Variants in PCDH9 observed in about 807,000 individuals in gnomAD.
PCDH9 encodes protocadherin-9.
A neutral mutation model predicts 70.6 loss-of-function variants in PCDH9; 24 were observed. The observed-to-expected ratio is 0.34, with a 90% CI of 0.25 to 0.48. The LOEUF (loss-of-function observed/expected upper bound fraction) is 0.48. PCDH9 is among the 20% of genes least tolerant of loss of function. The pLI, the probability that PCDH9 is intolerant of heterozygous loss-of-function variation, is 0.99. For missense variants in PCDH9, 1,281 were observed against 1,503.6 expected, an observed-to-expected ratio of 0.85 and a Z score of 2.45; for synonymous variants, 562 against 558.5, an observed-to-expected ratio of 1.01 and a Z score of -0.09.
intron 3 of PCDH9, among the ~76,000 whole-genome samples, chr13:66,749,873 T>C (rs1255034177): frequency 6.6e-6 from 1 of 152,140 alleles, no homozygotes; most frequent in African/African-American, 2.4e-5. Flanking sequence ...TAACTCCAGA[T>C]TATACTTTAA....
At chr13:67,141,179 A>G (rs2087376972) in intron 2 of PCDH9, among the ~76,000 whole-genome samples, 1 of 152,230 alleles carries the variant, frequency 6.6e-6, no homozygotes, top group African/African-American at 2.4e-5. Context: ...GACAAAAATA[A>G]AACGAGAGAA....
At chr13:66,424,635 C>A (rs1327876503) in intron 4 of PCDH9, among the ~76,000 whole-genome samples, 1 of 151,888 alleles carries the variant, frequency 6.6e-6, no homozygotes, top group South Asian at 2.1e-4. Context: ...TCTTAATCAT[C>A]CTTGAGAAGT....
At chr13:67,084,064 G>C (rs1226445716) in intron 2 of PCDH9, among the ~76,000 whole-genome samples, 1 of 152,132 alleles carries the variant, frequency 6.6e-6, no homozygotes, top group Non-Finnish European at 1.5e-5. Context: ...GGAAATTTCA[G>C]GCACTAGCTT....
At chr13:66,642,004 T>G (rs1163834865) in intron 3 of PCDH9, among the ~76,000 whole-genome samples, 1 of 152,116 alleles carries the variant, frequency 6.6e-6, no homozygotes, top group Non-Finnish European at 1.5e-5. Flanking sequence ...TCAAGCACTA[T>G]TTATTTACTT....
chr13:66,304,699 G>T lies in PCDH9; in HGVS notation c.3670C>A (p.Gln1224Lys). Residue 1224 changes from glutamine to lysine, a missense_variant, in exon 5 of 5, where the codon CAA becomes AAA. Coordinates refer to ENST00000377865, the MANE Select transcript of PCDH9 (RefSeq NM_203487.3). Reference protein sequence around the residue: ...IPLANLKSYKQAGGATESPKE... With the variant: ...IPLANLKSYKKAGGATESPKE... ...GGACTCTCAGTAGCACCTCCTGCTT[G>T]CTTATAAGACTTCAGATTTGCCAGA... 6.2e-7 allele frequency: 1 copy of T among 1,613,180 alleles called. No homozygotes were observed. The highest frequency in any genetic ancestry group is 8.5e-7 in the Non-Finnish European group (1 of 1,179,444).
intron 4 of PCDH9, among the ~76,000 whole-genome samples, chr13:66,504,586 T>TATC (rs1397365956): frequency 1.3e-5 from 2 of 152,170 alleles, no homozygotes; most frequent in South Asian, 2.1e-4. Flanking sequence ...GTTTGTTACA[T>TATC]ATCAGTAGGT....
At chr13:66,935,884 T>A (rs2082907823) in intron 2 of PCDH9, among the ~76,000 whole-genome samples, 3 of 151,458 alleles carry the variant, frequency 2.0e-5, no homozygotes, top group Admixed American at 2.0e-4. Context: ...ATCAAGACCA[T>A]CCTGGCCAAC....
At chr13:66,818,861 G>T (rs2080657041) in intron 3 of PCDH9, among the ~76,000 whole-genome samples, 2 of 151,886 alleles carry the variant, frequency 1.3e-5, no homozygotes, top group South Asian at 4.2e-4. Context: ...GTGAACCCAG[G>T]AGGCGGAGCT....
chr13:66,568,949 C>T (rs79063221), intron 4 of PCDH9, among the ~76,000 whole-genome samples: 32 of 140,460 alleles, frequency 2.3e-4, no homozygotes, highest in African/African-American at 8.1e-4. Context: ...ATGAAAGGTT[C>T]GTATATATGG....
At chr13:66,418,122 G>A (rs1405571437) in intron 4 of PCDH9, among the ~76,000 whole-genome samples, 1 of 152,112 alleles carries the variant, frequency 6.6e-6, no homozygotes, top group Non-Finnish European at 1.5e-5. Context: ...TTTTCCTCTA[G>A]GGTTTTTATG....
At chr13:67,065,752 C>A (rs936412415) in intron 2 of PCDH9, among the ~76,000 whole-genome samples, 1 of 152,086 alleles carries the variant, frequency 6.6e-6, no homozygotes, top group Non-Finnish European at 1.5e-5. Flanking sequence ...TACTGCAGGG[C>A]CAGTAGTCTT....
At chr13:66,677,489 C>T (rs144299373) in intron 3 of PCDH9, among the ~76,000 whole-genome samples, 61 of 152,164 alleles carry the variant, frequency 4.0e-4, no homozygotes, top group Non-Finnish European at 7.1e-4. Context: ...CCCCAAGGCT[C>T]GAGGTAGAGC....
At chr13:66,965,291 T>C (rs1472281031) in intron 2 of PCDH9, among the ~76,000 whole-genome samples, 1 of 152,100 alleles carries the variant, frequency 6.6e-6, no homozygotes, top group African/African-American at 2.4e-5. Flanking sequence ...CTTATTCTTT[T>C]AAAGAGCATA....
At chr13:66,621,505 A>C (rs927879391) in intron 4 of PCDH9, among the ~76,000 whole-genome samples, 3 of 152,210 alleles carry the variant, frequency 2.0e-5, no homozygotes, top group Non-Finnish European at 4.4e-5. Context: ...GTTCATGATA[A>C]GAAAGTATTG....
chr13:67,188,710 C>G (rs2088825868), intron 2 of PCDH9, among the ~76,000 whole-genome samples: 1 of 152,018 alleles, frequency 6.6e-6, no homozygotes, highest in African/African-American at 2.4e-5. Flanking sequence ...ATATCTATAA[C>G]TTCATGGGAA....
intron 4 of PCDH9, among the ~76,000 whole-genome samples, chr13:66,567,332 G>C (rs2076668049): frequency 6.6e-6 from 1 of 152,062 alleles, no homozygotes. Context: ...GCGTGGTATG[G>C]GGATGGAGCT....
chr13:67,089,872 G>A (rs1012445538), intron 2 of PCDH9, among the ~76,000 whole-genome samples: 16 of 152,022 alleles, frequency 1.1e-4, no homozygotes, highest in African/African-American at 3.9e-4. Context: ...TCTTGTTTCT[G>A]GAGTCAGCGT....
chr13:67,014,953 T>C (rs2084529415), intron 2 of PCDH9, among the ~76,000 whole-genome samples: 1 of 152,114 alleles, frequency 6.6e-6, no homozygotes, highest in Non-Finnish European at 1.5e-5. Context: ...AAATAACCAC[T>C]GCCTCCCATT....
intron 2 of PCDH9, among the ~76,000 whole-genome samples, chr13:67,073,179 T>C (rs1457213692): frequency 6.6e-6 from 1 of 152,128 alleles, no homozygotes; most frequent in Non-Finnish European, 1.5e-5. Context: ...GATCTGAATT[T>C]GTATAAAGTG....
Sources: allele counts gnomAD v4.1 joint callset (sites outside exome capture counted in the v4.1 genomes callset), GRCh38; gene constraint gnomAD v4.1.1; transcripts MANE v1.5; gene names NCBI Gene and HGNC (gene_info 2026-07-23, HGNC 2026-07-21).